Variants in PCCB observed in about 807,000 individuals in gnomAD.
The protein encoded by PCCB is propionyl-CoA carboxylase beta chain, mitochondrial.
In PCCB, 43 loss-of-function variants were observed where a neutral mutation model predicts 60.7. The observed-to-expected ratio is 0.71, with a 90% CI of 0.55 to 0.91. PCCB has a LOEUF of 0.91. PCCB is among the 40% of genes least tolerant of loss of function. The probability of loss-of-function intolerance (pLI) is 0.00; values close to 1 mark genes in which losing one functional copy is unlikely to be tolerated. For missense variants in PCCB, 766 were observed against 702.8 expected (o/e 1.09, Z -1.02); for synonymous variants, 276 against 255.9 (o/e 1.08, Z -0.75).
At chr3:136,325,036 G>C (rs1313780444) in intron 10 of PCCB, among the ~76,000 whole-genome samples, 1 of 152,136 alleles carries the variant, frequency 6.6e-6, no homozygotes, top group African/African-American at 2.4e-5. Flanking sequence ...GGGATTACAG[G>C]TGTGCACCAC....
intron 5 of PCCB, among the ~76,000 whole-genome samples, chr3:136,264,053 GA>G (rs1334118240): frequency 6.6e-6 from 1 of 151,372 alleles, no homozygotes; most frequent in Non-Finnish European, 1.5e-5. Context: ...AAAATGACAA[GA>G]ATAGTATGGG....
intron 5 of PCCB, among the ~76,000 whole-genome samples, chr3:136,266,127 CTTGGTTTTTTTT>C (rs1941976915): frequency 7.2e-6 from 1 of 139,388 alleles, no homozygotes; most frequent in African/African-American, 2.7e-5. Flanking sequence ...CATGCCCAGC[CTTGGTTTTTTTT>C]TTTTTTTGAG....
rs1935488845 is a variant in PCCB at position 136,330,136 on chromosome 3, A to G, written c.*110A>G. ...GGGAATCCAAATAGTTGGATAACTTAGAATAACTAAGTTTATTAAATTCTA... is the reference window on the plus strand; with the variant it reads ...GGGAATCCAAATAGTTGGATAACTTGGAATAACTAAGTTTATTAAATTCTA... On this transcript the variant is annotated 3_prime_UTR_variant, in exon 15 of 15. Transcript: ENST00000251654. 4 of 1,577,446 alleles carry G rather than the reference A, an allele frequency of 2.5e-6. No individual in the cohort carries two copies. The highest frequency in any genetic ancestry group is 2.7e-5 in the African/African-American group (2 of 73,876).
At chr3:136,283,619 A>G (rs1560010300) in intron 5 of PCCB, among the ~76,000 whole-genome samples, 1 of 152,134 alleles carries the variant, frequency 6.6e-6, no homozygotes, top group Non-Finnish European at 1.5e-5. Context: ...GAGAGAAAAT[A>G]CTTGCCTCAG....
At chr3:136,267,164 C>T (rs1336378556) in intron 5 of PCCB, among the ~76,000 whole-genome samples, 2 of 152,062 alleles carry the variant, frequency 1.3e-5, no homozygotes, top group African/African-American at 4.8e-5. Context: ...GGGTTACAGG[C>T]GTGAGCCAGC....
intron 10 of PCCB, among the ~76,000 whole-genome samples, chr3:136,319,779 T>A (rs1450787763): frequency 3.9e-5 from 6 of 152,240 alleles, no homozygotes; most frequent in African/African-American, 1.4e-4. Context: ...ATATAAGAAT[T>A]TAAATTCAAG....
At chr3:136,252,334 C>T (rs532342513) in intron 1 of PCCB, 2 of 455,224 alleles carry the variant, frequency 4.4e-6, no homozygotes, top group Non-Finnish European at 8.8e-6. Context: ...GCAACTTCTG[C>T]TTCCCAGCTT....
chr3:136,298,828 A>T (rs1017034638), intron 8 of PCCB, among the ~76,000 whole-genome samples: 1 of 152,128 alleles, frequency 6.6e-6, no homozygotes, highest in South Asian at 2.1e-4. Flanking sequence ...GGGATTTGAA[A>T]TTGTATTGTT....
At chr3:136,292,806 G>A (rs1485499471) in intron 6 of PCCB, among the ~76,000 whole-genome samples, 3 of 152,148 alleles carry the variant, frequency 2.0e-5, no homozygotes, top group Admixed American at 1.3e-4. Flanking sequence ...GGATGCATGG[G>A]TGTCTCTGTA....
intron 7 of PCCB, among the ~76,000 whole-genome samples, chr3:136,294,426 C>T (rs910544372): frequency 2.7e-5 from 4 of 150,892 alleles, no homozygotes; most frequent in African/African-American, 7.3e-5. Context: ...ATCCTCCCAC[C>T]ACAGACTCTT....
At chr3:136,254,225 T>C (rs1004610134) in intron 1 of PCCB, among the ~76,000 whole-genome samples, 2 of 151,400 alleles carry the variant, frequency 1.3e-5, no homozygotes, top group African/African-American at 4.9e-5. Flanking sequence ...TTTTTGTTTG[T>C]TTTTGTTTTT....
At chr3:136,314,522 G>A (rs1934803370) in intron 9 of PCCB, among the ~76,000 whole-genome samples, 1 of 152,108 alleles carries the variant, frequency 6.6e-6, no homozygotes, top group African/African-American at 2.4e-5. Flanking sequence ...AGGTATGGTG[G>A]CATGAACCTG....
At chr3:136,315,166 C>T (rs572358066) in intron 9 of PCCB, among the ~76,000 whole-genome samples, 1 of 152,304 alleles carries the variant, frequency 6.6e-6, no homozygotes, top group African/African-American at 2.4e-5. Context: ...GGCTCAGGTT[C>T]TGGACCAGAA....
chr3:136,285,239 G>C (rs1933345013), intron 6 of PCCB, among the ~76,000 whole-genome samples: 1 of 152,148 alleles, frequency 6.6e-6, no homozygotes, highest in Admixed American at 6.5e-5. Flanking sequence ...TACGAAGGGA[G>C]GTGTGGGATC....
intron 6 of PCCB, among the ~76,000 whole-genome samples, chr3:136,290,325 T>C (rs2108191695): frequency 6.6e-6 from 1 of 152,320 alleles, no homozygotes; most frequent in East Asian, 1.9e-4. Context: ...ATCTTTCCCC[T>C]CAACACTTTA....
intron 1 of PCCB, among the ~76,000 whole-genome samples, chr3:136,250,821 A>G (rs142190408): frequency 6.3e-4 from 96 of 152,332 alleles, no homozygotes; most frequent in African/African-American, 2.3e-3. Flanking sequence ...AACACTTAAC[A>G]TAAGCTTTTG....
At chr3:136,302,437 T>A (rs1379650773) in intron 9 of PCCB, among the ~76,000 whole-genome samples, 1 of 121,710 alleles carries the variant, frequency 8.2e-6, no homozygotes, top group Non-Finnish European at 1.8e-5. Flanking sequence ...AACTTTTTCT[T>A]AAGGTACATA....
chr3:136,281,175 A>C (rs1003038660), intron 5 of PCCB, among the ~76,000 whole-genome samples: 1 of 151,858 alleles, frequency 6.6e-6, no homozygotes, highest in Non-Finnish European at 1.5e-5. Flanking sequence ...TCTTTCATCA[A>C]ATGTGGGAAG....
chr3:136,250,750 G>A (rs1941492445), intron 1 of PCCB, among the ~76,000 whole-genome samples, 192 bp downstream of exon 1: 1 of 152,244 alleles, frequency 6.6e-6, no homozygotes, highest in Non-Finnish European at 1.5e-5. Flanking sequence ...GCACCTGTGT[G>A]CTTTTTCATA....
Sources: gnomAD v4.1 joint callset for allele counts (sites outside exome capture counted in the v4.1 genomes callset) on GRCh38, gnomAD v4.1.1 for gene constraint, MANE v1.5 for transcripts, NCBI Gene and HGNC (gene_info 2026-07-23, HGNC 2026-07-21) for gene names.